The following BORA variants were observed in gnomAD, a reference collection of about 807,000 sequenced individuals.
BORA encodes protein aurora borealis.
Under a neutral mutation model 55.8 loss-of-function variants are expected in BORA, and 26 were observed. That is an observed-to-expected ratio of 0.47 (90% CI 0.34 to 0.65). The LOEUF is 0.65. Among genes scored for constraint, BORA ranks in the 30% least tolerant of loss-of-function variants. The pLI, the probability that BORA is intolerant of heterozygous loss-of-function variation, is 0.01. For missense variants in BORA, 568 were observed against 671.5 expected (o/e 0.85, Z 1.70); for synonymous variants, 201 against 216.9 (o/e 0.93, Z 0.64).
intron 2 of BORA, among the ~76,000 whole-genome samples, chr13:72,729,716 C>T (rs1202161959): frequency 6.6e-6 from 1 of 152,222 alleles, no homozygotes; most frequent in African/African-American, 2.4e-5. Flanking sequence ...ATTTGAATTT[C>T]ATATAATTTT....
chr13:72,744,407 G>A lies in BORA; in HGVS notation c.455-98G>A, dbSNP rs2033098872. On this transcript the variant is annotated intron_variant, in intron 6 of 11. Transcript: ENST00000390667. ...TTCCATTTGGCTGGAACATCACGGG[G>A]AGATGATTGACTGGGCAGCACATGC... is the stretch of plus-strand genomic sequence containing the variant. The A allele has an allele frequency of 5.2e-6, 5 of 959,632 alleles. No individual in the cohort carries two copies. The East Asian group carries it at 1.3e-4, about 24-fold the overall frequency. The allele number at this position is 959,632 out of a possible 1,614,324, so 59.4% of individuals were successfully genotyped here.
chr13:72,727,956 GC>G lies in BORA; in HGVS notation c.-62del. 2 of 1,550,602 alleles carry G rather than the reference GC, an allele frequency of 1.3e-6. No individual in the cohort carries two copies. The highest frequency in any genetic ancestry group is 8.7e-7 in the Non-Finnish European group (1 of 1,146,988). ...TATGCCTGTCGTGGAAGCTGGCCTG[GC>G]CCCCGGAGCTCCCTGGAGTCGGTAC... is the stretch of plus-strand genomic sequence containing the variant. On this transcript the variant is annotated 5_prime_UTR_variant, in exon 1 of 12. Transcript: ENST00000390667.
At chr13:72,729,121 A>G in intron 2 of BORA, 28 bp downstream of exon 2, 1 of 1,467,440 alleles carries the variant, frequency 6.8e-7, no homozygotes, top group East Asian at 2.4e-5. Context: ...AGTGTTTACA[A>G]CTAATTTTAA....
In BORA at chr13:72,755,633, A is replaced by C; in HGVS notation, c.*417A>C. ...CATAAAAGCTTGAACATACAGATGA[A>C]TTATAACCTATGTGAAGAAATCTTA... On this transcript the variant is annotated 3_prime_UTR_variant, in exon 12 of 12. Coordinates refer to ENST00000390667, the MANE Select transcript of BORA (RefSeq NM_024808.5). 2 of 371,158 alleles carry C rather than the reference A, an allele frequency of 5.4e-6. No individual in the cohort carries two copies. Among genetic ancestry groups the C allele is most frequent in the Non-Finnish European group, 9.5e-6 (2 of 209,744 alleles). The allele number at this position is 371,158 out of a possible 1,614,324, so 23.0% of individuals were successfully genotyped here. A position where few individuals can be genotyped will look rare whatever the true frequency, so the allele number is the denominator to read the frequency against.
chr13:72,749,004 T>A (rs1015032960), intron 10 of BORA, among the ~76,000 whole-genome samples: 2 of 152,134 alleles, frequency 1.3e-5, no homozygotes, highest in African/African-American at 4.8e-5. Flanking sequence ...CCCCAAGCAG[T>A]CTCAGTTTTA....
chr13:72,747,341 AAAGGT>A (rs1309034338), intron 10 of BORA, among the ~76,000 whole-genome samples: 1 of 152,140 alleles, frequency 6.6e-6, no homozygotes, highest in Non-Finnish European at 1.5e-5. Flanking sequence ...TGGAGTAGGA[AAAGGT>A]AAGAGCAGAA....
At chr13:72,730,903 A>C (rs987811892) in intron 2 of BORA, among the ~76,000 whole-genome samples, 6 of 123,084 alleles carry the variant, frequency 4.9e-5, no homozygotes, top group South Asian at 5.6e-4. Flanking sequence ...AAAAAAAAAA[A>C]AAAAAAATAC....
chr13:72,745,869 A>T lies in BORA; in HGVS notation c.739-75A>T, dbSNP rs556269077. On this transcript the variant is annotated intron_variant, in intron 8 of 11. Transcript: ENST00000390667. Reference sequence around the variant, plus strand: ...AGTTTATAAGTGTGTTTTGAAGACCATGATAAATAGCATGCAGCATAAGAG... The same window carrying T: ...AGTTTATAAGTGTGTTTTGAAGACCTTGATAAATAGCATGCAGCATAAGAG... 4 of 1,330,916 alleles carry T rather than the reference A, an allele frequency of 3.0e-6. No homozygotes were observed. The African/African-American group carries it at 4.5e-5, about 15-fold the overall frequency. 82.4% of individuals were successfully genotyped at this position (1,330,916 alleles called of 1,614,324 possible).
At chr13:72,751,199 C>G (rs1479399409) in intron 10 of BORA, among the ~76,000 whole-genome samples, 2 of 151,966 alleles carry the variant, frequency 1.3e-5, no homozygotes, top group Non-Finnish European at 2.9e-5. Context: ...GGAAGTTCCT[C>G]AAAAAACTAA....
chr13:72,746,356 T>C, intron 9 of BORA, 145 bp from the exon 10 acceptor site: 3 of 1,012,486 alleles, frequency 3.0e-6, no homozygotes, highest in Non-Finnish European at 4.3e-6. Context: ...CTATTGTTTT[T>C]GACATCACAA....
At chr13:72,728,757 T>C (rs2032742881) in intron 1 of BORA, among the ~76,000 whole-genome samples, 169 bp from the exon 2 acceptor site, 1 of 152,242 alleles carries the variant, frequency 6.6e-6, no homozygotes, top group Admixed American at 6.5e-5. Flanking sequence ...CGAGGATCAG[T>C]TGAGAACATT....
chr13:72,727,935 C>A lies in BORA; in HGVS notation c.-88C>A, dbSNP rs1227962265. Reference sequence around the variant, plus strand: ...GAAGCGGGGAGTTAAAGAGTCTATGCCTGTCGTGGAAGCTGGCCTGGCCCC... The same window carrying A: ...GAAGCGGGGAGTTAAAGAGTCTATGACTGTCGTGGAAGCTGGCCTGGCCCC... On this transcript the variant is annotated 5_prime_UTR_variant, in exon 1 of 12. Coordinates refer to ENST00000390667, the MANE Select transcript of BORA (RefSeq NM_024808.5). 1 of 1,550,520 alleles carries A rather than the reference C, an allele frequency of 6.4e-7. No individual in the cohort carries two copies. Among genetic ancestry groups the A allele is most frequent in the African/African-American group, 1.4e-5 (1 of 73,060 alleles).
Position 72,743,611 on chromosome 13 carries a change from G to A in BORA, c.454+9G>A, listed in dbSNP as rs781366346. 24 of 1,599,250 alleles carry A rather than the reference G, an allele frequency of 1.5e-5. No individual in the cohort carries two copies. In the South Asian group the frequency reaches 2.5e-4, roughly 16 times the overall value. Reference sequence around the variant, plus strand: ...TTCTGAGAAAAGCGATGGTGAGTATGAACACAATTTGAAAAGAAGGATGTT... The same window carrying A: ...TTCTGAGAAAAGCGATGGTGAGTATAAACACAATTTGAAAAGAAGGATGTT... On this transcript the variant is annotated intron_variant, in intron 6 of 11. Transcript: ENST00000390667.
chr13:72,753,404 T>C (rs1450842722), intron 10 of BORA: 1 of 237,310 alleles, frequency 4.2e-6, no homozygotes, highest in African/African-American at 2.3e-5. Context: ...CTAGGTACGA[T>C]CACAAAATAA....
At chr13:72,732,613 G>GCCCC (rs1220225266) in intron 3 of BORA, among the ~76,000 whole-genome samples, 23 of 152,220 alleles carry the variant, frequency 1.5e-4, no homozygotes, top group Middle Eastern at 3.4e-3. Context: ...GGAGGCAAAG[G>GCCCC]TTGCAGTGAG....
At chr13:72,746,348 ATT>A (rs2033141501) in intron 9 of BORA, among the ~76,000 whole-genome samples, 151 bp from the exon 10 acceptor site, 2 of 152,178 alleles carry the variant, frequency 1.3e-5, no homozygotes, top group South Asian at 4.1e-4. Flanking sequence ...CATTTGTGCT[ATT>A]GTTTTTGACA....
intron 5 of BORA, among the ~76,000 whole-genome samples, chr13:72,742,767 TACACACACACACACACACACACACACAC>T (rs67866253): frequency 2.8e-5 from 4 of 141,746 alleles, no homozygotes; most frequent in Admixed American, 7.1e-5. Context: ...TATATATATA[TACACACACACACACACACACACACACAC>T]ACACACACAC....
At chr13:72,754,903 A>G in intron 11 of BORA, 1 of 370,114 alleles carries the variant, frequency 2.7e-6, no homozygotes, top group Non-Finnish European at 4.9e-6. Flanking sequence ...TGGTAGAGAC[A>G]GGGTCTCACT....
intron 2 of BORA, among the ~76,000 whole-genome samples, chr13:72,729,551 T>A (rs2032766415): frequency 6.6e-6 from 1 of 152,230 alleles, no homozygotes; most frequent in African/African-American, 2.4e-5. Context: ...TCACAAACTT[T>A]CTGTTAGGGG....
Sources: gnomAD v4.1 joint callset for allele counts (sites outside exome capture counted in the v4.1 genomes callset) on GRCh38, gnomAD v4.1.1 for gene constraint, MANE v1.5 for transcripts, NCBI Gene and HGNC (gene_info 2026-07-23, HGNC 2026-07-21) for gene names.